The following AIPL1 variants were observed in gnomAD, a reference collection of about 807,000 sequenced individuals.
The protein encoded by AIPL1 is aryl-hydrocarbon-interacting protein-like 1.
In AIPL1, 23 loss-of-function variants were observed where a neutral mutation model predicts 32.9. The observed-to-expected ratio is 0.70, with a 90% CI of 0.50 to 0.99. The LOEUF (loss-of-function observed/expected upper bound fraction) is 0.99. Ranked by LOEUF, AIPL1 falls within the 50% of genes least tolerant of loss-of-function variation. The pLI is 0.00. For missense variants in AIPL1, 485 were observed against 506.0 expected, an observed-to-expected ratio of 0.96 and a Z score of 0.40; for synonymous variants, 210 against 209.4, an observed-to-expected ratio of 1.00 and a Z score of -0.02.
intron 2 of AIPL1, among the ~76,000 whole-genome samples, chr17:6,431,589 A>G (rs538421245): frequency 6.6e-6 from 1 of 152,348 alleles, no homozygotes; most frequent in African/African-American, 2.4e-5. Flanking sequence ...TTATTTATAA[A>G]TGAAGGAATA....
At chr17:6,426,579 C>G (rs774221662) in intron 5 of AIPL1, 36 bp downstream of exon 5, 1 of 1,604,304 alleles carries the variant, frequency 6.2e-7, no homozygotes, top group South Asian at 1.1e-5. Flanking sequence ...CTGGGCTGGG[C>G]GCCCCCTCAC....
chr17:6,432,769 T>C (rs909068650), intron 2 of AIPL1, among the ~76,000 whole-genome samples: 1 of 152,144 alleles, frequency 6.6e-6, no homozygotes, highest in Non-Finnish European at 1.5e-5. Context: ...TAGCTGGGAT[T>C]ACAGGCATGT....
chr17:6,427,325 A>G (rs1313095201), intron 3 of AIPL1, among the ~76,000 whole-genome samples: 1 of 152,238 alleles, frequency 6.6e-6, no homozygotes, highest in Non-Finnish European at 1.5e-5. Flanking sequence ...TTAGAACAAT[A>G]CACTATTGCC....
Position 6,426,871 on chromosome 17 carries a change from G to A in AIPL1, c.642+10C>T, listed in dbSNP as rs754922243. ...GCGCCACTTCCCACCCCTGGCCAGC[G>A]GCCTCTGACCTTGGTCTGCAGGTTC... On this transcript the variant is annotated intron_variant, in intron 4 of 5. Transcript: ENST00000381129. The A allele has an allele frequency of 1.1e-5, 18 of 1,613,888 alleles. No homozygotes were observed. The highest frequency in any genetic ancestry group is 1.4e-5 in the Non-Finnish European group (17 of 1,180,050).
At chr17:6,433,003 G>A (rs541229559) in intron 2 of AIPL1, among the ~76,000 whole-genome samples, 25 of 152,294 alleles carry the variant, frequency 1.6e-4, no homozygotes, top group Admixed American at 7.2e-4. Flanking sequence ...GAAGTGGGTG[G>A]GTTGGGAGAT....
At chr17:6,432,778 G>A (rs1912731536) in intron 2 of AIPL1, among the ~76,000 whole-genome samples, 1 of 152,056 alleles carries the variant, frequency 6.6e-6, no homozygotes, top group African/African-American at 2.4e-5. Flanking sequence ...TTACAGGCAT[G>A]TGCCACCACG....
Position 6,425,310 on chromosome 17 carries a change from T to C in AIPL1, c.*150A>G. ...GCTCTTCTGTACCCTTGGGATTGTTTTTTTTTTTTTTTTTACCATGGGTGT... is the reference window on the plus strand; with the variant it reads ...GCTCTTCTGTACCCTTGGGATTGTTCTTTTTTTTTTTTTTACCATGGGTGT... On this transcript the variant is annotated 3_prime_UTR_variant, in exon 6 of 6. Coordinates refer to ENST00000381129, the MANE Select transcript of AIPL1 (RefSeq NM_014336.5). The C allele has an allele frequency of 7.8e-6, 2 of 255,458 alleles. No homozygotes were observed. Among genetic ancestry groups the C allele is most frequent in the Non-Finnish European group, 1.1e-5 (2 of 177,744 alleles). 15.8% of individuals were successfully genotyped at this position (255,458 alleles called of 1,614,324 possible).
chr17:6,433,920 A>G lies in AIPL1; in HGVS notation c.275T>C (p.Ile92Thr). The G allele has an allele frequency of 6.2e-7, 1 of 1,613,640 alleles. No individual in the cohort carries two copies. Among genetic ancestry groups the G allele is most frequent in the Non-Finnish European group, 8.5e-7 (1 of 1,179,866 alleles). The change falls in exon 2 of 6, where the codon ATC becomes ACC. Residue 92 changes from isoleucine to threonine, a missense_variant and splice_region_variant. Coordinates refer to ENST00000381129, the MANE Select transcript of AIPL1 (RefSeq NM_014336.5). ...GACAGGCGCGCAGGGCCTACTTACG[A>G]TGGTGTCGCACCAGAACTCGGCCAC... ...HEVAEFWCDTIHTGVYPILSR... is the reference protein window; with the variant it reads ...HEVAEFWCDTTHTGVYPILSR...
chr17:6,433,902 G>T lies in AIPL1; in HGVS notation c.276+17C>A. On this transcript the variant is annotated intron_variant, in intron 2 of 5. Coordinates refer to ENST00000381129, the MANE Select transcript of AIPL1 (RefSeq NM_014336.5). ...AAAAGACTAGTCCCAGGAGACAGGC[G>T]CGCAGGGCCTACTTACGATGGTGTC... The T allele has an allele frequency of 1.3e-6, 2 of 1,591,368 alleles. No homozygotes were observed. The highest frequency in any genetic ancestry group is 8.6e-7 in the Non-Finnish European group (1 of 1,169,236).
At chr17:6,434,140 C>A in intron 1 of AIPL1, 42 bp from the exon 2 acceptor site, 4 of 1,601,124 alleles carry the variant, frequency 2.5e-6, no homozygotes, top group South Asian at 1.1e-5. Flanking sequence ...ACACACTGTT[C>A]AAGGCCCGGC....
rs144579083 is a variant in AIPL1, at chr17:6,428,424, G to A, written c.359C>T (p.Thr120Met). The A allele has an allele frequency of 1.8e-5, 29 of 1,613,684 alleles. No individual in the cohort carries two copies. Among genetic ancestry groups the A allele is most frequent in the Middle Eastern group, 1.6e-4 (1 of 6,062 alleles). Reference protein sequence around the residue: ...GKDPTEWHVHTCGLANMFAYH... With the variant: ...GKDPTEWHVHMCGLANMFAYH... ...GGCGAACATGTTGGCCAGCCCGCAC[G>A]TGTGCACGTGCCACTCTGTGGGGTC... Residue 120 changes from threonine to methionine, a missense_variant, in exon 3 of 6, where the codon ACG becomes ATG. Coordinates refer to ENST00000381129, the MANE Select transcript of AIPL1 (RefSeq NM_014336.5).
Position 6,426,597 on chromosome 17 carries a change from C to G in AIPL1, c.784+18G>C, listed in dbSNP as rs7222126. The G allele has an allele frequency of 1.9e-6, 3 of 1,611,952 alleles. No homozygotes were observed. The highest frequency in any genetic ancestry group is 2.5e-6 in the Non-Finnish European group (3 of 1,179,592). ...GGCTGGGCGCCCCCTCACTGTCCGC[C>G]CCTGCAGCCCCGCGCACCTGGGTGG... On this transcript the variant is annotated intron_variant, in intron 5 of 5. Transcript: ENST00000381129.
chr17:6,426,042 G>T, intron 5 of AIPL1: 1 of 1,083,472 alleles, frequency 9.2e-7, no homozygotes, highest in Non-Finnish European at 1.3e-6. Flanking sequence ...GGCCCTGTGA[G>T]TAATTTTATA....
At position 6,426,742 on chromosome 17, in the gene AIPL1, C is replaced by T; in HGVS notation, c.657G>A (p.Glu219=). Reference sequence around the variant, plus strand: ...TCTTCTCCAGCTTCAGCCACTGCACCTCCCATGGCTTCTCCTGCCCAGGGA... The same window carrying T: ...TCTTCTCCAGCTTCAGCCACTGCACTTCCCATGGCTTCTCCTGCCCAGGGA... ...RNLQTKEKPW[E]VQWLKLEKMI... is the part of the protein sequence containing the mutation. Residue 219 remains glutamate (E), a synonymous_variant, in exon 5 of 6, where the codon GAG becomes GAA. Transcript: ENST00000381129. 6.2e-7 allele frequency: 1 copy of T among 1,613,946 alleles called. No individual in the cohort carries two copies.
intron 5 of AIPL1, chr17:6,426,068 T>A: frequency 8.4e-7 from 1 of 1,196,770 alleles, no homozygotes. Context: ...AACTTTGTTT[T>A]ATTTTTCTTA....
chr17:6,431,886 CT>C (rs1191184649), intron 2 of AIPL1, among the ~76,000 whole-genome samples: 2 of 152,172 alleles, frequency 1.3e-5, no homozygotes, highest in African/African-American at 4.8e-5. Flanking sequence ...CCATGGCAGA[CT>C]TTTGAAAAAG....
chr17:6,429,491 G>C (rs747118920), intron 2 of AIPL1, among the ~76,000 whole-genome samples: 50 of 152,206 alleles, frequency 3.3e-4, no homozygotes, highest in Non-Finnish European at 6.2e-4. Context: ...GTTGGGATTA[G>C]AGCTGGACCA....
At chr17:6,433,049 A>C (rs746691176) in intron 2 of AIPL1, among the ~76,000 whole-genome samples, 2 of 152,250 alleles carry the variant, frequency 1.3e-5, no homozygotes, top group Non-Finnish European at 2.9e-5. Flanking sequence ...GGTGGCCGGC[A>C]CTGGGTGACA....
Position 6,425,401 on chromosome 17 carries a change from G to A in AIPL1, c.*59C>T, listed in dbSNP as rs1911809337. The A allele has an allele frequency of 2.0e-6, 3 of 1,503,582 alleles. No homozygotes were observed. Among genetic ancestry groups the A allele is most frequent in the African/African-American group, 1.4e-5 (1 of 71,576 alleles). The allele number at this position is 1,503,582 out of a possible 1,614,324, so 93.1% of individuals were successfully genotyped here. A position where few individuals can be genotyped will look rare whatever the true frequency, so the allele number is the denominator to read the frequency against. ...AGTGACACCACGATCCTGGTCAATC[G>A]AACCAGAAGTGACCAGGCCACTTGC... On this transcript the variant is annotated 3_prime_UTR_variant, in exon 6 of 6. Coordinates refer to ENST00000381129, the MANE Select transcript of AIPL1 (RefSeq NM_014336.5).
Sources: gnomAD v4.1 joint callset for allele counts (sites outside exome capture counted in the v4.1 genomes callset) on GRCh38, gnomAD v4.1.1 for gene constraint, MANE v1.5 for transcripts, NCBI Gene and HGNC (gene_info 2026-07-23, HGNC 2026-07-21) for gene names.